The following DNAJC13 variants were observed in gnomAD, a reference collection of about 807,000 sequenced individuals.
The protein encoded by DNAJC13 is dnaJ homolog subfamily C member 13.
Under a neutral mutation model 290.5 loss-of-function variants are expected in DNAJC13, and 75 were observed. The ratio of observed to expected loss-of-function variants is 0.26; its 90% CI spans 0.21 to 0.31. The LOEUF (loss-of-function observed/expected upper bound fraction) is 0.31, where lower values mean the gene tolerates loss of function less well. Ranked by LOEUF, DNAJC13 falls within the 10% of genes least tolerant of loss-of-function variation. The pLI is 1.00. For synonymous variants in DNAJC13, 862 were observed against 892.0 expected, an observed-to-expected ratio of 0.97 and a Z score of 0.60; for missense variants, 2,260 against 2,674.5, an observed-to-expected ratio of 0.85 and a Z score of 3.42.
At position 132,492,614 on chromosome 3, in the gene DNAJC13, C is replaced by T. The variant is rs1470598052; in HGVS notation, c.3824C>T (p.Pro1275Leu). 10 of 1,612,806 alleles carry T rather than the reference C, an allele frequency of 6.2e-6. No homozygotes were observed. The highest frequency in any genetic ancestry group is 1.1e-5 in the South Asian group (1 of 91,012). ...LRFPDWPIKD[P>L]VKLLKDTLDA... ...TTTCCAGATTGGCCAATTAAAGACC[C>T]GGTAAGTCAGCAGTTTAATTTGTGC... Residue 1275 changes from proline to leucine, a missense_variant and splice_region_variant, in exon 33 of 56, where the codon CCG becomes CTG. Physicochemically the swap from Pro to Leu is moderately conservative, Grantham distance 98 (BLOSUM62 -3). Around this residue, in one of 3 missense-constraint regions of DNAJC13, gnomAD observed 1,494 missense variants for 1,693.7 expected, o/e 0.88. Transcript: ENST00000260818.
At chr3:132,455,300 A>G (rs955341319) in intron 9 of DNAJC13, among the ~76,000 whole-genome samples, 1 of 152,234 alleles carries the variant, frequency 6.6e-6, no homozygotes, top group Non-Finnish European at 1.5e-5. Flanking sequence ...AAACTACTAC[A>G]TATTCACTAA....
At chr3:132,479,174 C>A in intron 24 of DNAJC13, 53 bp from the exon 25 acceptor site, 2 of 1,182,524 alleles carry the variant, frequency 1.7e-6, no homozygotes, top group Admixed American at 1.8e-5. Flanking sequence ...AATAGTAATA[C>A]CTTAATTTTT....
intron 40 of DNAJC13, among the ~76,000 whole-genome samples, 189 bp from the exon 41 acceptor site, chr3:132,503,025 T>C (rs1266582456): frequency 6.6e-6 from 1 of 152,210 alleles, no homozygotes; most frequent in Non-Finnish European, 1.5e-5. Flanking sequence ...GTCCTTCTTA[T>C]AAATAAAAAA....
At chr3:132,516,855 T>C in intron 48 of DNAJC13, 39 bp downstream of exon 48, 1 of 1,465,864 alleles carries the variant, frequency 6.8e-7, no homozygotes, top group Non-Finnish European at 9.5e-7. Context: ...AATTAATTAT[T>C]AAAGCATTGT....
intron 22 of DNAJC13, among the ~76,000 whole-genome samples, chr3:132,476,405 C>T (rs1227927101): frequency 2.6e-5 from 4 of 152,092 alleles, no homozygotes; most frequent in Admixed American, 2.6e-4. Flanking sequence ...TACAGTGCAC[C>T]TTCAAAATTT....
intron 9 of DNAJC13, 67 bp from the exon 10 acceptor site, chr3:132,456,168 C>T: frequency 6.8e-7 from 1 of 1,474,800 alleles, no homozygotes; most frequent in Non-Finnish European, 9.3e-7. Context: ...GCCTATGCTT[C>T]ATGCTAGATC....
chr3:132,462,208 T>C (rs1933820776), intron 15 of DNAJC13, among the ~76,000 whole-genome samples: 2 of 152,208 alleles, frequency 1.3e-5, no homozygotes, highest in Non-Finnish European at 2.9e-5. Context: ...TATGTATCAT[T>C]CAAATAATTA....
At chr3:132,482,190 G>C in intron 26 of DNAJC13, 36 bp from the exon 27 acceptor site, 1 of 1,568,290 alleles carries the variant, frequency 6.4e-7, no homozygotes, top group Non-Finnish European at 8.7e-7. Context: ...TTAGATTTCT[G>C]CCTTGGAAAA....
chr3:132,426,868 A>AT (rs1318338074), intron 1 of DNAJC13, among the ~76,000 whole-genome samples: 1 of 152,022 alleles, frequency 6.6e-6, no homozygotes, highest in Non-Finnish European at 1.5e-5. Context: ...ATTAGGTTGG[A>AT]TACATGTAAG....
intron 26 of DNAJC13, among the ~76,000 whole-genome samples, chr3:132,481,845 T>C (rs937793621): frequency 1.3e-5 from 2 of 152,198 alleles, no homozygotes; most frequent in African/African-American, 4.8e-5. Context: ...ATTTTGAGCA[T>C]TGTTGCTTAA....
At chr3:132,506,795 C>A (rs745351845) in intron 42 of DNAJC13, among the ~76,000 whole-genome samples, 3 of 151,880 alleles carry the variant, frequency 2.0e-5, no homozygotes, top group Non-Finnish European at 4.4e-5. Flanking sequence ...CATGATCCAC[C>A]CGCCTCGGCC....
At chr3:132,537,553 T>C (rs1434902035) in intron 55 of DNAJC13, among the ~76,000 whole-genome samples, 5 of 152,240 alleles carry the variant, frequency 3.3e-5, no homozygotes, top group Non-Finnish European at 7.3e-5. Context: ...GGCATTTTCA[T>C]GCAATAGAAA....
At chr3:132,471,435 C>T (rs1289548671) in intron 20 of DNAJC13, among the ~76,000 whole-genome samples, 7 of 145,394 alleles carry the variant, frequency 4.8e-5, no homozygotes, top group Non-Finnish European at 9.2e-5. Context: ...CGGAGAGGCT[C>T]CTCACTTCTC....
intron 5 of DNAJC13, among the ~76,000 whole-genome samples, chr3:132,448,733 T>C (rs1218474649): frequency 6.6e-6 from 1 of 152,188 alleles, no homozygotes; most frequent in African/African-American, 2.4e-5. Flanking sequence ...AATATTTCTA[T>C]GAATATTCTG....
At position 132,456,810 on chromosome 3, in the gene DNAJC13, C is replaced by T. The variant is rs1384876247; in HGVS notation, c.1327C>T (p.Leu443=). ...RRLVASKAGF[L]AFTQLPKFRE... ...GCTTGTGGCATCCAAAGCTGGTTTC[C>T]TGGCTTTCACTCAGCTTCCAAAGTA... Residue 443 remains leucine (L), a synonymous_variant, in exon 12 of 56, where the codon CTG becomes TTG. Coordinates refer to ENST00000260818, the MANE Select transcript of DNAJC13 (RefSeq NM_015268.4). The T allele has an allele frequency of 6.2e-7, 1 of 1,612,394 alleles. No homozygotes were observed. Among genetic ancestry groups the T allele is most frequent in the African/African-American group, 1.3e-5 (1 of 74,928 alleles).
chr3:132,489,785 G>C (rs1423537314), intron 31 of DNAJC13, among the ~76,000 whole-genome samples: 1 of 152,058 alleles, frequency 6.6e-6, no homozygotes, highest in Non-Finnish European at 1.5e-5. Context: ...TAATATTAAA[G>C]ATGCCCATGG....
In DNAJC13 at chr3:132,493,226, A is replaced by AC. The variant is rs201231542; in HGVS notation, c.3825+617dup. Reference sequence around the variant, plus strand: ...TTGGCCTGTCCAGAGTGCCCTTGGGACCCCCCTAACCTGAGTCTTTGTGTA... The same window carrying AC: ...TTGGCCTGTCCAGAGTGCCCTTGGGACCCCCCCTAACCTGAGTCTTTGTGTA... On this transcript the variant is annotated intron_variant, in intron 33 of 55. Transcript: ENST00000260818. Among the ~76,000 whole-genome samples, 907 of 151,400 alleles carry AC rather than the reference A, an allele frequency of 6.0e-3. 10 individuals are homozygous for AC. The highest frequency in any genetic ancestry group is 0.03 in the East Asian group (154 of 5,134).
intron 55 of DNAJC13, among the ~76,000 whole-genome samples, 189 bp from the exon 56 acceptor site, chr3:132,537,987 A>G (rs1343398604): frequency 1.3e-5 from 2 of 152,256 alleles, no homozygotes; most frequent in African/African-American, 2.4e-5. Flanking sequence ...TTTCTAGTCT[A>G]TAGTGTAGGC....
intron 8 of DNAJC13, 103 bp from the exon 9 acceptor site, chr3:132,453,963 C>G (rs908589492): frequency 4.2e-6 from 4 of 947,650 alleles, no homozygotes; most frequent in Admixed American, 5.7e-5. Flanking sequence ...CAAGTCACAT[C>G]TTAAAATACT....
Sources: gnomAD v4.1 joint callset for allele counts (sites outside exome capture counted in the v4.1 genomes callset) on GRCh38, gnomAD v4.1.1 for gene constraint, gnomAD v4.1.1 regional missense constraint, MANE v1.5 for transcripts, NCBI Gene and HGNC (gene_info 2026-07-23, HGNC 2026-07-21) for gene names.